NUSAP1: variants seen among roughly 807,000 people sequenced by gnomAD.
The protein encoded by NUSAP1 is nucleolar and spindle associated protein 1.
NUSAP1 carries 32 observed loss-of-function variants against 52.8 expected under a neutral mutation model. The observed-to-expected ratio is 0.61, with a 90% CI of 0.46 to 0.81. The LOEUF (loss-of-function observed/expected upper bound fraction) is 0.81. NUSAP1 is among the 40% of genes least tolerant of loss of function. The pLI is 0.00. For synonymous variants in NUSAP1, 195 were observed against 183.1 expected (o/e 1.06, Z -0.52); for missense variants, 499 against 522.3 (o/e 0.96, Z 0.43).
intron 6 of NUSAP1, among the ~76,000 whole-genome samples, chr15:41,364,262 G>A (rs191481717): frequency 4.9e-4 from 75 of 152,074 alleles, no homozygotes; most frequent in African/African-American, 1.8e-3. Flanking sequence ...AAAATGTCTG[G>A]CTAGGCTGGG....
chr15:41,378,807 T>TC (rs2050082046), intron 10 of NUSAP1, among the ~76,000 whole-genome samples: 1 of 149,712 alleles, frequency 6.7e-6, no homozygotes, highest in African/African-American at 2.5e-5. Flanking sequence ...AAGGTCAAGC[T>TC]CAAAATCACA....
intron 7 of NUSAP1, among the ~76,000 whole-genome samples, chr15:41,367,620 A>G (rs2049474071): frequency 6.6e-6 from 1 of 151,898 alleles, no homozygotes; most frequent in African/African-American, 2.4e-5. Flanking sequence ...GTGTAGCTGC[A>G]GGAATTCCTG....
At chr15:41,353,387 C>G (rs1372110626) in intron 4 of NUSAP1, among the ~76,000 whole-genome samples, 1 of 152,150 alleles carries the variant, frequency 6.6e-6, no homozygotes, top group African/African-American at 2.4e-5. Flanking sequence ...GGTGATCGGC[C>G]CACTTCGGCC....
rs983273114 is a variant in NUSAP1 at position 41,333,013 on chromosome 15, A to G, written c.56A>G (p.Asn19Ser). 6 of 1,612,068 alleles carry G rather than the reference A, an allele frequency of 3.7e-6. No individual in the cohort carries two copies. The highest frequency in any genetic ancestry group is 3.4e-6 in the Non-Finnish European group (4 of 1,179,186). Residue 19 changes from asparagine (N) to serine (S), a missense_variant, in exon 1 of 11, where the codon AAC (asparagine) becomes AGC (serine). By Grantham distance (46) the Asn-to-Ser change is conservative. Transcript: ENST00000559596. ...LDSLKYSDLQ[N>S]LAKSLGLRAN... ...TCCCTCAAGTACAGTGACCTGCAGA[A>G]CTTAGCCAAGAGTCTGGGTCTCCGG...
Position 41,365,460 on chromosome 15 carries a change from CTG to C in NUSAP1, c.722_723del (p.Val241GlyfsTer38). ...CCAGTACCTCCAAGAGGAAGACTCT[CTG>C]TGGCTTCTACTCCCATCAGCCAACG... On this transcript the variant is annotated frameshift_variant, in exon 7 of 11. Coordinates refer to ENST00000559596, the MANE Select transcript of NUSAP1 (RefSeq NM_016359.5). LOFTEE classifies it high-confidence loss of function. The C allele has an allele frequency of 6.2e-7, 1 of 1,613,034 alleles. No individual in the cohort carries two copies. The highest frequency in any genetic ancestry group is 8.5e-7 in the Non-Finnish European group (1 of 1,179,500).
At position 41,336,587 on chromosome 15, in the gene NUSAP1, G is replaced by A. The variant is rs1014236772; in HGVS notation, c.93+3537G>A. Among the ~76,000 whole-genome samples, 4 of 150,030 alleles carry A rather than the reference G, an allele frequency of 2.7e-5. No homozygotes were observed. In the South Asian group the frequency reaches 8.4e-4, roughly 31 times the overall value. On this transcript the variant is annotated intron_variant, in intron 1 of 10. Transcript: ENST00000559596. ...GAGAAAACACCTAACTTTGTTGAGCGAACTTATTTTAAATATGCAACGCTA... is the reference window on the plus strand; with the variant it reads ...GAGAAAACACCTAACTTTGTTGAGCAAACTTATTTTAAATATGCAACGCTA...
At chr15:41,360,407 C>G (rs950525296) in intron 6 of NUSAP1, among the ~76,000 whole-genome samples, 5 of 152,134 alleles carry the variant, frequency 3.3e-5, no homozygotes, top group Admixed American at 1.3e-4. Context: ...ACTTCCACCT[C>G]CCAGGTTCAA....
At chr15:41,363,036 C>G (rs1167893121) in intron 6 of NUSAP1, among the ~76,000 whole-genome samples, 1 of 151,914 alleles carries the variant, frequency 6.6e-6, no homozygotes, top group African/African-American at 2.4e-5. Context: ...CCTGTAATCC[C>G]AGCACTTTGG....
rs193008232 is a variant in NUSAP1, at chr15:41,349,820, G to T, written c.306+579G>T. On this transcript the variant is annotated intron_variant, in intron 3 of 10. Transcript: ENST00000559596. ...TCACTCTTGTTGCCCAGTATGGAGT[G>T]TGATGGCACCATCTCAGCTTACTGC... 5.2e-5 allele frequency among the ~76,000 whole-genome samples: 7 copies of T among 135,004 alleles called. No individual in the cohort carries two copies. In the East Asian group the frequency reaches 1.5e-3, roughly 30 times the overall value. 88.6% of individuals were successfully genotyped at this position (135,004 alleles called of 152,430 possible).
chr15:41,374,881 G>A (rs1313823712), intron 8 of NUSAP1, among the ~76,000 whole-genome samples: 1 of 150,630 alleles, frequency 6.6e-6, no homozygotes, highest in Non-Finnish European at 1.5e-5. Flanking sequence ...CCACCCTGTT[G>A]CCCAGGCTGG....
intron 10 of NUSAP1, among the ~76,000 whole-genome samples, chr15:41,378,944 G>GGTTTTTTTTTTTT (rs1253258207): frequency 1.3e-4 from 8 of 63,258 alleles, no homozygotes; most frequent in African/African-American, 3.5e-4. Flanking sequence ...ACTTATCTTG[G>GGTTTTTTTTTTTT]TTTTTTTTTT....
At chr15:41,342,282 T>C (rs2048391851) in intron 1 of NUSAP1, 104 bp from the exon 2 acceptor site, 8 of 747,726 alleles carry the variant, frequency 1.1e-5, no homozygotes, top group Non-Finnish European at 1.8e-5. Flanking sequence ...AGTCCTATGG[T>C]CTGACCAGAG....
chr15:41,373,448 C>CTT (rs763340655), intron 8 of NUSAP1, among the ~76,000 whole-genome samples: 3,859 of 117,262 alleles, frequency 0.033, 271 homozygotes, highest in African/African-American at 0.093. Context: ...AATTCATATT[C>CTT]TTTTTTTTTT....
At chr15:41,377,475 G>T (rs1172747860) in intron 10 of NUSAP1, among the ~76,000 whole-genome samples, 171 bp downstream of exon 10, 1 of 144,154 alleles carries the variant, frequency 6.9e-6, no homozygotes, top group Non-Finnish European at 1.5e-5. Context: ...CGAGGTGGGC[G>T]GAACACGAGG....
At position 41,369,647 on chromosome 15, in the gene NUSAP1, T is replaced by TA. The variant is rs750102656; in HGVS notation, c.849-1870dup. 4.2e-4 allele frequency among the ~76,000 whole-genome samples: 62 copies of TA among 146,194 alleles called. 1 individual carries two copies. Among genetic ancestry groups the TA allele is most frequent in the East Asian group, 4.0e-3 (20 of 4,972 alleles). ...TGGGCAACAAGAGCGAAACATTGTCTAAAAAAAAAAGAACACCATGGTCAG... is the reference window on the plus strand; with the variant it reads ...TGGGCAACAAGAGCGAAACATTGTCTAAAAAAAAAAAGAACACCATGGTCAG... On this transcript the variant is annotated intron_variant, in intron 7 of 10. Coordinates refer to ENST00000559596, the MANE Select transcript of NUSAP1 (RefSeq NM_016359.5).
chr15:41,363,243 G>A (rs1044982874), intron 6 of NUSAP1, among the ~76,000 whole-genome samples: 82 of 145,116 alleles, frequency 5.7e-4, no homozygotes, highest in Non-Finnish European at 8.6e-4. Context: ...CCAATATCAC[G>A]CCATTGCACT....
intron 2 of NUSAP1, chr15:41,343,554 A>C (rs1219399046): frequency 6.6e-6 from 1 of 152,194 alleles, no homozygotes; most frequent in African/African-American, 2.4e-5. Flanking sequence ...GGGTTTCTCC[A>C]TGTTGGTCAG....
chr15:41,358,114 G>A (rs1359311853), intron 5 of NUSAP1, 35 bp from the exon 6 acceptor site: 1 of 944,832 alleles, frequency 1.1e-6, no homozygotes, highest in Admixed American at 2.4e-5. Context: ...AATGGATTTT[G>A]TTTTGTTATT....
chr15:41,360,876 C>T (rs1177121352), intron 6 of NUSAP1, among the ~76,000 whole-genome samples: 2 of 149,358 alleles, frequency 1.3e-5, no homozygotes, highest in African/African-American at 4.9e-5. Context: ...CTCACTGCAA[C>T]CTGCACCTCC....
Sources: gnomAD v4.1 joint callset for allele counts (sites outside exome capture counted in the v4.1 genomes callset) on GRCh38, gnomAD v4.1.1 for gene constraint, MANE v1.5 for transcripts, NCBI Gene and HGNC (gene_info 2026-07-23, HGNC 2026-07-21) for gene names.